The following AGBL1 variants were observed in gnomAD, a reference collection of about 807,000 sequenced individuals.
AGBL1 encodes the protein cytosolic carboxypeptidase 4.
In AGBL1, 130 loss-of-function variants were observed where a neutral mutation model predicts 118.9. The ratio of observed to expected loss-of-function variants is 1.09; its 90% CI spans 0.95 to 1.26. AGBL1 has a LOEUF of 1.26. Among genes scored for constraint, AGBL1 ranks in the 50% most tolerant of loss-of-function variants. AGBL1 has a pLI of 0.00. For synonymous variants in AGBL1, 555 were observed against 478.9 expected, an observed-to-expected ratio of 1.16 and a Z score of -2.08; for missense variants, 1,584 against 1,298.1, an observed-to-expected ratio of 1.22 and a Z score of -3.38.
intron 21 of AGBL1, among the ~76,000 whole-genome samples, chr15:86,588,717 C>T (rs1161245104): frequency 2.6e-5 from 4 of 152,132 alleles, no homozygotes; most frequent in Non-Finnish European, 5.9e-5. Context: ...CATGACTAAG[C>T]TTTGTTTTTA....
intron 17 of AGBL1, among the ~76,000 whole-genome samples, chr15:86,316,105 T>A (rs2080002964): frequency 2.6e-5 from 4 of 152,208 alleles, no homozygotes. Context: ...ATCCCTCACC[T>A]ATTTCTTTAT....
chr15:86,803,682 G>A (rs893705536), intron 22 of AGBL1, among the ~76,000 whole-genome samples: 3 of 152,070 alleles, frequency 2.0e-5, no homozygotes, highest in South Asian at 2.1e-4. Context: ...TTGCTTCTTG[G>A]TAAGGACAAA....
At chr15:86,868,340 C>G (rs912884607) in intron 22 of AGBL1, among the ~76,000 whole-genome samples, 1 of 152,180 alleles carries the variant, frequency 6.6e-6, no homozygotes, top group East Asian at 1.9e-4. Flanking sequence ...TATAGCTAAC[C>G]AAGCCACACA....
intron 22 of AGBL1, among the ~76,000 whole-genome samples, chr15:86,869,618 A>C (rs2079689725): frequency 6.6e-6 from 1 of 152,166 alleles, no homozygotes; most frequent in South Asian, 2.1e-4. Context: ...GAGACAGAGA[A>C]GAAAGTGTTA....
intron 5 of AGBL1, among the ~76,000 whole-genome samples, chr15:86,177,223 T>C (rs1165522102): frequency 6.6e-6 from 1 of 152,180 alleles, no homozygotes; most frequent in African/African-American, 2.4e-5. Context: ...TCCGTAATAG[T>C]AAAGGGTCAG....
intron 22 of AGBL1, among the ~76,000 whole-genome samples, chr15:86,753,683 C>G (rs1003034830): frequency 2.9e-4 from 44 of 152,092 alleles, no homozygotes; most frequent in African/African-American, 1.1e-3. Context: ...CAGGCGTAAG[C>G]CACTGCGCCT....
At chr15:86,637,595 G>C (rs558213474) in intron 21 of AGBL1, among the ~76,000 whole-genome samples, 2 of 152,326 alleles carry the variant, frequency 1.3e-5, no homozygotes, top group East Asian at 3.9e-4. Flanking sequence ...ATAAAGTATG[G>C]ATTGGAAGCA....
intron 17 of AGBL1, among the ~76,000 whole-genome samples, chr15:86,328,090 A>G (rs148350152): frequency 6.6e-6 from 1 of 152,350 alleles, no homozygotes; most frequent in Non-Finnish European, 1.5e-5. Flanking sequence ...GAGTCAACAA[A>G]TACTTAAAGC....
intron 22 of AGBL1, among the ~76,000 whole-genome samples, chr15:86,846,966 T>C (rs1247411947): frequency 6.6e-6 from 1 of 152,236 alleles, no homozygotes; most frequent in Non-Finnish European, 1.5e-5. Flanking sequence ...TATTACTTTT[T>C]ATTCTCTGTT....
intron 17 of AGBL1, among the ~76,000 whole-genome samples, chr15:86,346,214 C>G (rs2080534058): frequency 6.6e-6 from 1 of 152,144 alleles, no homozygotes; most frequent in Non-Finnish European, 1.5e-5. Flanking sequence ...AACTCCTGAC[C>G]TTGTGATCTG....
intron 22 of AGBL1, among the ~76,000 whole-genome samples, chr15:86,811,338 T>C (rs572005866): frequency 2.6e-5 from 4 of 152,264 alleles, no homozygotes; most frequent in African/African-American, 9.6e-5. Flanking sequence ...GGGAGAACAG[T>C]CAGAAGGCTA....
intron 1 of AGBL1, among the ~76,000 whole-genome samples, chr15:86,096,543 C>G (rs1237500828): frequency 6.6e-6 from 1 of 152,108 alleles, no homozygotes; most frequent in Non-Finnish European, 1.5e-5. Context: ...CCATGATTCA[C>G]TACTTGTGTG....
At chr15:86,898,340 T>G (rs2080161456) in intron 22 of AGBL1, among the ~76,000 whole-genome samples, 1 of 152,178 alleles carries the variant, frequency 6.6e-6, no homozygotes, top group Non-Finnish European at 1.5e-5. Context: ...AGTTTTGAGT[T>G]TTACATTTAA....
At chr15:86,141,074 G>T (rs919754494) in intron 1 of AGBL1, among the ~76,000 whole-genome samples, 2 of 152,174 alleles carry the variant, frequency 1.3e-5, no homozygotes, top group African/African-American at 4.8e-5. Flanking sequence ...TGCAAAGAGC[G>T]CTGGCCTGAT....
rs183631541 is a variant in AGBL1, at chr15:86,682,478, A to G, written c.3158+8042A>G. Among the ~76,000 whole-genome samples the G allele has an allele frequency of 2.2e-3, 341 of 152,318 alleles. 2 individuals carry two copies. Among genetic ancestry groups the G allele is most frequent in the Non-Finnish European group, 4.1e-3 (276 of 68,016 alleles). The stretch of plus-strand genomic sequence containing the variant: ...TTTCTGTGAAGAAAGAGGTTTAATA[A>G]TATCATGAAGCTATTGGTAAATTGA... On this transcript the variant is annotated intron_variant, in intron 22 of 22. Transcript: ENST00000614907.
intron 17 of AGBL1, among the ~76,000 whole-genome samples, chr15:86,300,056 C>G (rs892710924): frequency 6.6e-6 from 1 of 152,072 alleles, no homozygotes; most frequent in South Asian, 2.1e-4. Context: ...TAGTAATGAG[C>G]TCTTGGCCTT....
At chr15:86,431,092 C>T (rs983795782) in intron 18 of AGBL1, among the ~76,000 whole-genome samples, 2 of 152,126 alleles carry the variant, frequency 1.3e-5, no homozygotes, top group Non-Finnish European at 2.9e-5. Context: ...TTTAATGGAC[C>T]TGTTTGCTTG....
At chr15:86,523,045 T>C (rs1596221687) in intron 19 of AGBL1, 106 bp downstream of exon 19, 3 of 1,353,194 alleles carry the variant, frequency 2.2e-6, no homozygotes, top group East Asian at 2.3e-5. Context: ...CAAAAACCTA[T>C]GTATGACAAG....
chr15:86,872,540 G>C (rs67052718), intron 22 of AGBL1, among the ~76,000 whole-genome samples: 23,822 of 152,160 alleles, frequency 0.16, 2,044 homozygotes, highest in South Asian at 0.27. Context: ...CAGAACACAA[G>C]GTCAGGAGTT....
Sources: allele counts gnomAD v4.1 joint callset (sites outside exome capture counted in the v4.1 genomes callset), GRCh38; gene constraint gnomAD v4.1.1; transcripts MANE v1.5; gene names NCBI Gene and HGNC (gene_info 2026-07-23, HGNC 2026-07-21).